Variants in SOX5 observed in about 807,000 individuals in gnomAD.
The protein encoded by SOX5 is SRY-box transcription factor 5, also known as transcription factor SOX-5.
SOX5 carries 9 observed loss-of-function variants against 92.0 expected under a neutral mutation model. That is an observed-to-expected ratio of 0.10 (90% confidence interval 0.06 to 0.17). The LOEUF (loss-of-function observed/expected upper bound fraction) is 0.17, where lower values mean the gene tolerates loss of function less well. Among genes scored for constraint, SOX5 ranks in the 10% least tolerant of loss-of-function variants. The pLI, the probability that SOX5 is intolerant of heterozygous loss-of-function variation, is 1.00. For synonymous variants in SOX5, 344 were observed against 336.3 expected (o/e 1.02, Z -0.25); for missense variants, 642 against 944.5 (o/e 0.68, Z 4.20).
intron 4 of SOX5, among the ~76,000 whole-genome samples, chr12:24,095,510 A>T (rs1335937660): frequency 6.6e-6 from 1 of 151,864 alleles, no homozygotes; most frequent in Non-Finnish European, 1.5e-5. Flanking sequence ...GTTTCCTGAT[A>T]GAAAATTCCT....
At chr12:23,590,143 G>T (rs1951324601) in intron 9 of SOX5, among the ~76,000 whole-genome samples, 1 of 151,850 alleles carries the variant, frequency 6.6e-6, no homozygotes, top group Admixed American at 6.6e-5. Flanking sequence ...ACCCAGAGAG[G>T]TCCAGTGTCA....
At chr12:24,065,222 C>T (rs538383539) in intron 4 of SOX5, among the ~76,000 whole-genome samples, 1 of 152,256 alleles carries the variant, frequency 6.6e-6, no homozygotes, top group East Asian at 1.9e-4. Flanking sequence ...CCTTGTCCTC[C>T]AGTTCTTACC....
intron 1 of SOX5, among the ~76,000 whole-genome samples, chr12:24,433,786 T>G (rs1346372761): frequency 2.0e-5 from 3 of 152,112 alleles, no homozygotes; most frequent in Non-Finnish European, 4.4e-5. Context: ...TCTGTATAGA[T>G]CCCAGAGTTT....
At chr12:24,296,609 A>G (rs984455598) in intron 2 of SOX5, among the ~76,000 whole-genome samples, 1 of 152,214 alleles carries the variant, frequency 6.6e-6, no homozygotes. Context: ...GAAGAAGTGA[A>G]AAGCAATGGT....
At chr12:23,881,544 C>T (rs1304057046) in intron 2 of SOX5, among the ~76,000 whole-genome samples, 3 of 152,154 alleles carry the variant, frequency 2.0e-5, no homozygotes, top group Non-Finnish European at 2.9e-5. Context: ...CCACTTGCAT[C>T]GGCTTTTATA....
intron 2 of SOX5, among the ~76,000 whole-genome samples, chr12:24,361,690 T>C (rs1443855058): frequency 6.6e-6 from 1 of 151,994 alleles, no homozygotes; most frequent in Non-Finnish European, 1.5e-5. Flanking sequence ...AATATACAGG[T>C]CTTGCATTTA....
chr12:23,744,178 G>A (rs1205636541), intron 4 of SOX5, among the ~76,000 whole-genome samples: 1 of 151,994 alleles, frequency 6.6e-6, no homozygotes, highest in African/African-American at 2.4e-5. Flanking sequence ...ACCCATGAAT[G>A]CCCATATTCT....
Position 24,380,068 on chromosome 12 carries a change from C to T in SOX5, c.-250-11429G>A, listed in dbSNP as rs374657740. Among the ~76,000 whole-genome samples, 36 of 152,210 alleles carry T rather than the reference C, an allele frequency of 2.4e-4. No homozygotes were observed. The East Asian group carries it at 3.3e-3, about 14-fold the overall frequency. ...TACACCAGTGAAGTGAAATGAAAGA[C>T]AGGAAGATTGATTTGCATCATCATT... is the stretch of plus-strand genomic sequence containing the variant. On this transcript the variant is annotated intron_variant, in intron 1 of 4. Coordinates refer to the SOX5 transcript ENST00000446891.
intron 2 of SOX5, among the ~76,000 whole-genome samples, chr12:24,313,726 A>C (rs907579218): frequency 1.3e-5 from 2 of 152,110 alleles, no homozygotes; most frequent in African/African-American, 4.8e-5. Flanking sequence ...TCATATTCAT[A>C]CGCTCTCTTT....
chr12:23,863,186 T>C (rs2136479510), intron 2 of SOX5, among the ~76,000 whole-genome samples: 1 of 152,346 alleles, frequency 6.6e-6, no homozygotes, highest in South Asian at 2.1e-4. Context: ...GGCAATATTG[T>C]ATACTACTTT....
chr12:23,624,385 A>G (rs750796008), intron 8 of SOX5, among the ~76,000 whole-genome samples: 1 of 152,220 alleles, frequency 6.6e-6, no homozygotes, highest in Non-Finnish European at 1.5e-5. Flanking sequence ...CCTACAGAGG[A>G]TTCACACAAA....
chr12:24,162,366 A>G (rs1047355827), intron 4 of SOX5, among the ~76,000 whole-genome samples: 4 of 152,126 alleles, frequency 2.6e-5, no homozygotes, highest in Admixed American at 6.6e-5. Context: ...CATCCTCATA[A>G]TTAGACAAAA....
intron 7 of SOX5, among the ~76,000 whole-genome samples, chr12:23,656,395 A>G (rs1449879434): frequency 1.3e-5 from 2 of 152,128 alleles, no homozygotes; most frequent in Non-Finnish European, 2.9e-5. Flanking sequence ...ATCACATACT[A>G]GAAATGGAAC....
At chr12:24,309,419 T>C (rs1240529466) in intron 2 of SOX5, among the ~76,000 whole-genome samples, 1 of 152,228 alleles carries the variant, frequency 6.6e-6, no homozygotes, top group African/African-American at 2.4e-5. Flanking sequence ...TAAGCTATTA[T>C]TGTTATTCTC....
chr12:23,542,147 A>G (rs1197160336), intron 13 of SOX5, among the ~76,000 whole-genome samples: 1 of 152,206 alleles, frequency 6.6e-6, no homozygotes, highest in Non-Finnish European at 1.5e-5. Flanking sequence ...CCATTTATAG[A>G]TGATCTGTAA....
intron 6 of SOX5, among the ~76,000 whole-genome samples, chr12:23,679,673 T>C (rs2086268568): frequency 6.6e-6 from 1 of 152,180 alleles, no homozygotes; most frequent in Non-Finnish European, 1.5e-5. Flanking sequence ...TGTTTCCTAG[T>C]TTGTACTGCC....
rs78220832 is a variant in SOX5, at chr12:23,531,868, C to A, written c.*2351G>T. 0.16 allele frequency: 24,587 copies of A among 150,566 alleles called. 2,173 individuals carry two copies. Among genetic ancestry groups the A allele is most frequent in the East Asian group, 0.3 (1,556 of 5,112 alleles). 9.3% of individuals were successfully genotyped at this position (150,566 alleles called of 1,614,324 possible). A position where few individuals can be genotyped will look rare whatever the true frequency, so the allele number is the denominator to read the frequency against. On this transcript the variant is annotated 3_prime_UTR_variant, in exon 15 of 15. Coordinates refer to ENST00000451604, the MANE Select transcript of SOX5 (RefSeq NM_006940.6). The stretch of plus-strand genomic sequence containing the variant: ...AAATTCTTAAAAAAGAGAAAACTTA[C>A]GGAAAGAGAAGTAAAATTGTGGGTA...
chr12:24,043,313 C>T (rs913077059), intron 4 of SOX5, among the ~76,000 whole-genome samples: 2 of 152,170 alleles, frequency 1.3e-5, no homozygotes, highest in Admixed American at 1.3e-4. Context: ...TGGTACCTTG[C>T]ACGCGTAAGC....
intron 1 of SOX5, among the ~76,000 whole-genome samples, chr12:24,477,425 C>T (rs954411885): frequency 3.3e-5 from 5 of 152,122 alleles, no homozygotes; most frequent in South Asian, 4.2e-4. Context: ...TAAGCCACTG[C>T]GCCTGGCTTA....
Sources: allele counts gnomAD v4.1 joint callset (sites outside exome capture counted in the v4.1 genomes callset), GRCh38; gene constraint gnomAD v4.1.1; transcripts MANE v1.5; gene names NCBI Gene and HGNC (gene_info 2026-07-23, HGNC 2026-07-21).